The following PERM1 variants were observed in gnomAD, a reference collection of about 807,000 sequenced individuals.
The protein encoded by PERM1 is PGC-1 and ERR-induced regulator in muscle protein 1.
Under a neutral mutation model 44.1 loss-of-function variants are expected in PERM1, and 45 were observed. The ratio of observed to expected loss-of-function variants is 1.02; its 90% CI spans 0.80 to 1.31. The LOEUF (loss-of-function observed/expected upper bound fraction) is 1.31. PERM1 is among the 50% of genes most tolerant of loss of function. The probability of loss-of-function intolerance (pLI) is 0.00; values close to 1 mark genes in which losing one functional copy is unlikely to be tolerated. For synonymous variants in PERM1, 565 were observed against 477.1 expected (o/e 1.18, Z -2.40); for missense variants, 1,189 against 1,106.9 (o/e 1.07, Z -1.05).
upstream of PERM1, chr1:981,054 G>A: frequency 6.5e-7 from 1 of 1,543,422 alleles, no homozygotes; most frequent in Non-Finnish European, 8.7e-7. Flanking sequence ...GGCACTGGAG[G>A]GTAGCAGAAT....
chr1:979,507 A>G, exon 1 of PERM1: 2 of 1,549,900 alleles, frequency 1.3e-6, no homozygotes, highest in Non-Finnish European at 1.7e-6. Context: ...GGGCCCAGCC[A>G]CGGAGAAGCG....
exon 1 of PERM1, chr1:979,309 C>T: frequency 1.9e-6 from 3 of 1,539,340 alleles, no homozygotes; most frequent in Non-Finnish European, 2.6e-6. Flanking sequence ...GGCAAAGCTG[C>T]TCCCGGGCCC....
chr1:979,955 C>T lies in PERM1; in HGVS notation c.1075G>A (p.Ala359Thr), dbSNP rs760296428. 25 of 1,549,832 alleles carry T rather than the reference C, an allele frequency of 1.6e-5. No individual in the cohort carries two copies. The South Asian group carries it at 2.9e-4, about 18-fold the overall frequency. ...GGCTTGGAGGCAGGTATAGACACAG[C>T]CATGTCCCTGTCAGGTTGCGGCTCA... Residue 359 changes from alanine to threonine, a missense_variant, in exon 1 of 3, where the codon GCT becomes ACT. Coordinates refer to ENST00000433179, the Ensembl canonical transcript of PERM1.
In PERM1 at chr1:976,531, G is replaced by C; in HGVS notation, c.2243C>G (p.Ser748Ter). 6.5e-7 allele frequency: 1 copy of C among 1,549,594 alleles called. No homozygotes were observed. The highest frequency in any genetic ancestry group is 1.2e-5 in the South Asian group (1 of 84,064). The stretch of plus-strand genomic sequence containing the variant: ...CCAGGCGTCTGGGGTATGCGGATCT[G>C]ACGTCCTCACAGCCCAGGTGGCAAA... Residue 748 changes from serine to a stop codon, truncating the protein, a stop_gained, in exon 2 of 3, where the codon TCA becomes TGA. Transcript: ENST00000433179. LOFTEE classifies it high-confidence loss of function.
intron 1 of PERM1, 89 bp downstream of exon 2, chr1:978,792 C>T (rs1570070556): frequency 2.4e-6 from 3 of 1,271,112 alleles, no homozygotes; most frequent in East Asian, 5.4e-5. Context: ...GCCCGGCCTG[C>T]CCGGCCCCTG....
upstream of PERM1, chr1:981,967 G>T: frequency 9.5e-7 from 1 of 1,050,338 alleles, no homozygotes; most frequent in African/African-American, 1.7e-5. Flanking sequence ...CCCACCCACT[G>T]ACCTTCGCCC....
At chr1:979,108 T>A in exon 1 of PERM1, 2 of 1,549,736 alleles carry the variant, frequency 1.3e-6, no homozygotes, top group Non-Finnish European at 1.7e-6. Flanking sequence ...CGGCACAGGA[T>A]CAGCTCTCGG....
At chr1:981,224 C>T, upstream of PERM1, 2 of 1,511,672 alleles carry the variant, frequency 1.3e-6, no homozygotes, top group Non-Finnish European at 1.8e-6. Flanking sequence ...TTCCTTCAAA[C>T]CTAGTGGTGA....
exon 1 of PERM1, chr1:980,685 G>A (rs1357176011): frequency 2.1e-5 from 30 of 1,426,058 alleles, no homozygotes; most frequent in African/African-American, 2.9e-5. Flanking sequence ...CGCCGGGGCC[G>A]AGGGACGGTG....
chr1:979,938 G>A, exon 1 of PERM1: 2 of 1,550,216 alleles, frequency 1.3e-6, no homozygotes, highest in Non-Finnish European at 1.7e-6. Context: ...GCGGCTTGGA[G>A]GCAGGTATAG....
chr1:979,210 G>A (rs978712337), exon 1 of PERM1: 26 of 1,550,024 alleles, frequency 1.7e-5, no homozygotes, highest in African/African-American at 4.1e-5. Flanking sequence ...GACGCCTGCC[G>A]GATCCTGACC....
chr1:976,626 T>G lies in PERM1; in HGVS notation c.2150-2A>C. ...ATGGGACAGGCCCCCGGAGCTCCCC[T>G]AGGACAGAAGCTCACCTTCAGCCCC... On this transcript the variant is annotated splice_acceptor_variant, in intron 1 of 2. Transcript: ENST00000433179. LOFTEE classifies it high-confidence loss of function. The G allele has an allele frequency of 6.5e-7, 1 of 1,548,868 alleles. No homozygotes were observed. Among genetic ancestry groups the G allele is most frequent in the Non-Finnish European group, 8.7e-7 (1 of 1,146,062 alleles).
exon 2 of PERM1, chr1:976,529 C>A (rs919854066): frequency 6.5e-7 from 1 of 1,549,594 alleles, no homozygotes; most frequent in Non-Finnish European, 8.7e-7. Flanking sequence ...GTATGCGGAT[C>A]TGACGTCCTC....
Position 979,228 on chromosome 1 carries a change from G to GA in PERM1, c.1801_1802insT (p.Ala601ValfsTer41). ...GCCTGCCGGATCCTGACCGGCCGCT[G>GA]CCGCCTCAGCCTCTTCGTTCTCCTC... On this transcript the variant is annotated frameshift_variant, in exon 1 of 3. Coordinates refer to ENST00000433179, the Ensembl canonical transcript of PERM1. LOFTEE classifies it high-confidence loss of function. 4 of 1,550,130 alleles carry GA rather than the reference G, an allele frequency of 2.6e-6. No homozygotes were observed. Among genetic ancestry groups the GA allele is most frequent in the Non-Finnish European group, 3.5e-6 (4 of 1,146,788 alleles).
At chr1:979,819 G>C in exon 1 of PERM1, 1 of 1,550,176 alleles carries the variant, frequency 6.5e-7, no homozygotes, top group Non-Finnish European at 8.7e-7. Flanking sequence ...TTTGGAGGCA[G>C]GTGTGGACAC....
At chr1:979,609 G>T in exon 1 of PERM1, 1 of 1,550,198 alleles carries the variant, frequency 6.5e-7, no homozygotes, top group Non-Finnish European at 8.7e-7. Flanking sequence ...AGACACAACC[G>T]CCTCCATCTC....
At chr1:980,882 C>T in exon 1 of PERM1, 1 of 1,404,982 alleles carries the variant, frequency 7.1e-7, no homozygotes, top group Non-Finnish European at 9.2e-7. Context: ...GGACTGCTGC[C>T]ACTGCTGTCC....
chr1:981,114 A>G (rs1401296011), upstream of PERM1: 4 of 1,548,852 alleles, frequency 2.6e-6, no homozygotes, highest in East Asian at 4.9e-5. Flanking sequence ...CACCCTGCAC[A>G]TGCCGCCCCT....
chr1:979,043 A>C, exon 1 of PERM1: 1 of 1,541,568 alleles, frequency 6.5e-7, no homozygotes, highest in Non-Finnish European at 8.8e-7. Flanking sequence ...CCGAAGAAGA[A>C]GTGTTCATAG....
Sources: allele counts gnomAD v4.1 joint callset, GRCh38; gene constraint gnomAD v4.1.1; transcripts MANE v1.5; gene names NCBI Gene and HGNC (gene_info 2026-07-23, HGNC 2026-07-21).